Variants in SNTG2 observed in about 807,000 individuals in gnomAD.
SNTG2 encodes syntrophin gamma 2.
Under a neutral mutation model 70.9 loss-of-function variants are expected in SNTG2, and 74 were observed. The ratio of observed to expected loss-of-function variants is 1.04; its 90% CI spans 0.86 to 1.27. The LOEUF (loss-of-function observed/expected upper bound fraction) is 1.27, where lower values mean the gene tolerates loss of function less well. Among genes scored for constraint, SNTG2 ranks in the 50% most tolerant of loss-of-function variants. The pLI is 0.00. For synonymous variants in SNTG2, 278 were observed against 273.8 expected (o/e 1.02, Z -0.15); for missense variants, 717 against 690.7 (o/e 1.04, Z -0.43).
intron 9 of SNTG2, among the ~76,000 whole-genome samples, chr2:1,223,333 G>T (rs1001203724): frequency 6.6e-6 from 1 of 151,112 alleles, no homozygotes; most frequent in Non-Finnish European, 1.5e-5. Context: ...GGAAGGCGGC[G>T]CAGTGATGGA....
chr2:1,116,932 G>A (rs1465702557), intron 4 of SNTG2, among the ~76,000 whole-genome samples: 13 of 138,352 alleles, frequency 9.4e-5, no homozygotes, highest in African/African-American at 1.4e-4. Context: ...GTGCCCTGGC[G>A]TGTGGGTGCC....
At position 1,097,201 on chromosome 2, in the gene SNTG2, T is replaced by C. The variant is rs1665448305; in HGVS notation, c.211-995T>C. On this transcript the variant is annotated intron_variant, in intron 2 of 16. Transcript: ENST00000308624. This position sits in a 1 kb window ranked among gnomAD's most constrained non-coding sequence, Gnocchi z 4.1. ...CCCTAAGAAGGACATTCCTGGGGTATCTCAGGCTGCGGAAGCCCTCACAGC... is the reference window on the plus strand; with the variant it reads ...CCCTAAGAAGGACATTCCTGGGGTACCTCAGGCTGCGGAAGCCCTCACAGC... Among the ~76,000 whole-genome samples the C allele has an allele frequency of 6.6e-6, 1 of 152,202 alleles. No homozygotes were observed. Among genetic ancestry groups the C allele is most frequent in the African/African-American group, 2.4e-5 (1 of 41,456 alleles).
intron 12 of SNTG2, among the ~76,000 whole-genome samples, chr2:1,258,302 G>A (rs1678234861): frequency 6.6e-6 from 1 of 152,154 alleles, no homozygotes; most frequent in African/African-American, 2.4e-5. Flanking sequence ...TAGCAAATTC[G>A]AGATGTAACT....
chr2:1,286,070 A>G (rs745787584), intron 14 of SNTG2, among the ~76,000 whole-genome samples: 7 of 152,204 alleles, frequency 4.6e-5, no homozygotes, highest in Non-Finnish European at 1.0e-4. Context: ...GAGAAGCCCA[A>G]AGTGTCCAGG....
chr2:1,295,571 T>C (rs1212628588), intron 14 of SNTG2, among the ~76,000 whole-genome samples: 1 of 152,200 alleles, frequency 6.6e-6, no homozygotes, highest in African/African-American at 2.4e-5. Flanking sequence ...GAGTCTCCAA[T>C]GTTTGGGTGG....
chr2:1,269,530 G>C (rs1678912672), intron 14 of SNTG2, among the ~76,000 whole-genome samples: 1 of 151,932 alleles, frequency 6.6e-6, no homozygotes, highest in African/African-American at 2.4e-5. Flanking sequence ...CAAAAAAAAA[G>C]GTATAGGGTA....
chr2:1,040,211 T>A (rs1172056273), intron 1 of SNTG2, among the ~76,000 whole-genome samples: 1 of 152,158 alleles, frequency 6.6e-6, no homozygotes, highest in Non-Finnish European at 1.5e-5. Flanking sequence ...GCAGGCAGGA[T>A]AAATTCCTGC....
intron 8 of SNTG2, among the ~76,000 whole-genome samples, chr2:1,201,776 TA>T: frequency 1.3e-5 from 2 of 151,838 alleles, no homozygotes; most frequent in East Asian, 3.9e-4. Context: ...GCAAAACAAA[TA>T]AAAGTAAATG....
intron 7 of SNTG2, among the ~76,000 whole-genome samples, chr2:1,169,723 C>T (rs111535092): frequency 6.6e-6 from 1 of 152,152 alleles, no homozygotes; most frequent in South Asian, 2.1e-4. Context: ...GCATCCTGAG[C>T]GGGGCTGTGC....
intron 9 of SNTG2, among the ~76,000 whole-genome samples, chr2:1,225,501 G>C (rs1169222394): frequency 6.6e-6 from 1 of 152,168 alleles, no homozygotes; most frequent in Admixed American, 6.5e-5. Flanking sequence ...CCAGGAGGTG[G>C]AATTGCGCAT....
At chr2:1,150,183 C>T (rs1437162299) in intron 6 of SNTG2, among the ~76,000 whole-genome samples, 1 of 152,058 alleles carries the variant, frequency 6.6e-6, no homozygotes, top group Admixed American at 6.6e-5. Context: ...AAAGGGAATC[C>T]CTGGTGGAGG....
intron 12 of SNTG2, among the ~76,000 whole-genome samples, chr2:1,248,571 A>G (rs1177749698): frequency 6.6e-6 from 1 of 152,228 alleles, no homozygotes; most frequent in Non-Finnish European, 1.5e-5. Context: ...AAACATAACC[A>G]TGTTCTTTAA....
intron 9 of SNTG2, among the ~76,000 whole-genome samples, chr2:1,217,632 A>T (rs972430352): frequency 1.3e-5 from 2 of 152,224 alleles, no homozygotes; most frequent in African/African-American, 2.4e-5. Flanking sequence ...CTACTGGCTT[A>T]TATAGACATT....
chr2:967,662 C>T (rs970562402), intron 1 of SNTG2, among the ~76,000 whole-genome samples: 1 of 152,146 alleles, frequency 6.6e-6, no homozygotes, highest in Non-Finnish European at 1.5e-5. Context: ...GTTTGTTTCT[C>T]TTCATGTTGT....
intron 1 of SNTG2, among the ~76,000 whole-genome samples, chr2:1,043,791 T>C (rs1367050433): frequency 2.0e-5 from 3 of 152,364 alleles, no homozygotes; most frequent in South Asian, 2.1e-4. Flanking sequence ...TTTGTAACAG[T>C]ACTATGCTAT....
intron 1 of SNTG2, among the ~76,000 whole-genome samples, chr2:1,083,230 T>A (rs1572389468): frequency 7.3e-6 from 1 of 136,950 alleles, no homozygotes; most frequent in African/African-American, 2.7e-5. Flanking sequence ...TAAAATAAAA[T>A]ACTATAAAAC....
intron 1 of SNTG2, among the ~76,000 whole-genome samples, chr2:1,032,650 A>T (rs753557791): frequency 2.6e-5 from 4 of 152,230 alleles, no homozygotes. Flanking sequence ...AAGAAGGACA[A>T]CATGTAGTTT....
rs114879602 is a variant in SNTG2 at position 1,203,297 on chromosome 2, C to T, written c.592-5806C>T. ...GGAAATAGAGGAGGTTGAAATGAAT[C>T]CCAGATAACTCTGTGAAACTGGGAT... On this transcript the variant is annotated intron_variant, in intron 8 of 16. Transcript: ENST00000308624. Among the ~76,000 whole-genome samples the T allele has an allele frequency of 3.0e-3, 460 of 152,172 alleles. 4 individuals carry two copies. Among genetic ancestry groups the T allele is most frequent in the African/African-American group, 0.011 (441 of 41,514 alleles).
chr2:1,029,368 A>T (rs557763128), intron 1 of SNTG2, among the ~76,000 whole-genome samples: 1 of 152,336 alleles, frequency 6.6e-6, no homozygotes, highest in South Asian at 2.1e-4. Context: ...CACTTGATTA[A>T]ACAAGCTATA....
Sources: allele counts gnomAD v4.1 joint callset (sites outside exome capture counted in the v4.1 genomes callset), GRCh38; gene constraint gnomAD v4.1.1; non-coding constraint Gnocchi (gnomAD v3.1); transcripts MANE v1.5; gene names NCBI Gene and HGNC (gene_info 2026-07-23, HGNC 2026-07-21).